SCD5: variants seen among roughly 807,000 people sequenced by gnomAD.
The protein encoded by SCD5 is stearoyl-CoA desaturase 5.
In SCD5, 20 loss-of-function variants were observed where a neutral mutation model predicts 30.4. That is an observed-to-expected ratio of 0.66 (90% confidence interval 0.46 to 0.96). The LOEUF is 0.96. SCD5 is among the 40% of genes least tolerant of loss of function. SCD5 has a pLI of 0.00. For missense variants in SCD5, 381 were observed against 443.3 expected (o/e 0.86, Z 1.26); for synonymous variants, 173 against 176.4 (o/e 0.98, Z 0.16).
At chr4:82,693,861 T>C (rs772430784) in intron 2 of SCD5, among the ~76,000 whole-genome samples, 39 of 152,180 alleles carry the variant, frequency 2.6e-4, no homozygotes, top group Non-Finnish European at 4.3e-4. Context: ...GGACTCCATT[T>C]GGGAAGAGTC....
chr4:82,639,427 G>A (rs923724154), intron 3 of SCD5, among the ~76,000 whole-genome samples: 1 of 152,244 alleles, frequency 6.6e-6, no homozygotes, highest in African/African-American at 2.4e-5. Flanking sequence ...ATCCGATGGG[G>A]CGTTCTGGGC....
chr4:82,785,447 A>C (rs1241064691), intron 1 of SCD5, among the ~76,000 whole-genome samples: 1 of 152,194 alleles, frequency 6.6e-6, no homozygotes, highest in Non-Finnish European at 1.5e-5. Flanking sequence ...CTCCAGACTC[A>C]AAGTCCTTTT....
At chr4:82,739,959 T>C (rs1720838957) in intron 1 of SCD5, among the ~76,000 whole-genome samples, 3 of 152,194 alleles carry the variant, frequency 2.0e-5, no homozygotes, top group African/African-American at 7.2e-5. Flanking sequence ...ATCTGCAGCC[T>C]GAGCCTGCTC....
chr4:82,709,881 G>A (rs1310176755), intron 1 of SCD5, among the ~76,000 whole-genome samples: 3 of 152,234 alleles, frequency 2.0e-5, no homozygotes, highest in Non-Finnish European at 1.5e-5. Flanking sequence ...AAGACTCACT[G>A]ACGGCCTGCC....
At position 82,679,271 on chromosome 4, in the gene SCD5, A is replaced by G. The variant is rs1271718502; in HGVS notation, c.569+1436T>C. Among the ~76,000 whole-genome samples the G allele has an allele frequency of 3.0e-4, 35 of 117,572 alleles. 1 individual carries two copies. The highest frequency in any genetic ancestry group is 1.0e-3 in the African/African-American group (32 of 31,856). 77.1% of individuals were successfully genotyped at this position (117,572 alleles called of 152,430 possible). ...AAGAAAGAAAGAAAGAAGGAAGGAA[A>G]GAAAGAAAGAAGGAAGGAAAGAAAG... On this transcript the variant is annotated intron_variant, in intron 3 of 4. Transcript: ENST00000319540.
chr4:82,752,682 T>C lies in SCD5; in HGVS notation c.232+45624A>G, dbSNP rs72662835. Among the ~76,000 whole-genome samples the C allele has an allele frequency of 2.5e-3, 373 of 152,226 alleles. 2 individuals are homozygous for C. The highest frequency in any genetic ancestry group is 0.023 in the East Asian group (120 of 5,174). ...ACTGGACCTGGAGAAGCCTATGTAT[T>C]TGTTTGCATGGAATCCTCGCCCTGT... On this transcript the variant is annotated intron_variant, in intron 1 of 4. Coordinates refer to ENST00000319540, the MANE Select transcript of SCD5 (RefSeq NM_001037582.3).
chr4:82,641,045 C>T (rs1164178630), intron 3 of SCD5, among the ~76,000 whole-genome samples: 1 of 152,084 alleles, frequency 6.6e-6, no homozygotes, highest in Admixed American at 6.6e-5. Flanking sequence ...CTGTAAAATG[C>T]TGTGCTAATA....
intron 3 of SCD5, among the ~76,000 whole-genome samples, chr4:82,646,617 T>C (rs188777138): frequency 4.3e-4 from 65 of 152,278 alleles, no homozygotes; most frequent in African/African-American, 1.3e-3. Context: ...CCTGAATTAG[T>C]CTTGACATCT....
intron 3 of SCD5, among the ~76,000 whole-genome samples, chr4:82,677,631 C>T (rs7695607): frequency 0.12 from 18,413 of 152,204 alleles, 1,483 homozygotes; most frequent in South Asian, 0.25. Context: ...TGATTCTAAG[C>T]CTTATTTTGG....
chr4:82,783,579 C>T (rs1024147350), intron 1 of SCD5, among the ~76,000 whole-genome samples: 11 of 151,952 alleles, frequency 7.2e-5, no homozygotes, highest in Non-Finnish European at 1.0e-4. Context: ...CCGAGGTGGG[C>T]GGATCACCTG....
chr4:82,773,861 G>A (rs999366430), intron 1 of SCD5, among the ~76,000 whole-genome samples: 15 of 152,136 alleles, frequency 9.9e-5, no homozygotes, highest in South Asian at 8.3e-4. Context: ...AGGCTGAGGC[G>A]GGTGGATCAC....
At chr4:82,658,153 A>G (rs1727904421) in intron 3 of SCD5, among the ~76,000 whole-genome samples, 2 of 152,174 alleles carry the variant, frequency 1.3e-5, no homozygotes, top group African/African-American at 2.4e-5. Context: ...GTGGTGAGAG[A>G]GGGCATCCTT....
intron 1 of SCD5, among the ~76,000 whole-genome samples, chr4:82,771,713 C>T (rs1046927921): frequency 3.3e-5 from 5 of 152,218 alleles, no homozygotes; most frequent in South Asian, 2.1e-4. Context: ...TGGCAGGCCA[C>T]TACCGACCAG....
intron 1 of SCD5, among the ~76,000 whole-genome samples, chr4:82,734,266 C>G (rs1021158646): frequency 4.6e-5 from 7 of 152,178 alleles, no homozygotes; most frequent in African/African-American, 1.7e-4. Context: ...GTATCCCATA[C>G]TGGCCTCCCT....
At chr4:82,659,146 T>C (rs1727931421) in intron 3 of SCD5, among the ~76,000 whole-genome samples, 1 of 152,228 alleles carries the variant, frequency 6.6e-6, no homozygotes, top group African/African-American at 2.4e-5. Flanking sequence ...TATTCTCTGA[T>C]GGTAGTTTGT....
chr4:82,632,519 T>C (rs954901217), intron 4 of SCD5, among the ~76,000 whole-genome samples: 11 of 152,188 alleles, frequency 7.2e-5, no homozygotes, highest in Non-Finnish European at 1.3e-4. Context: ...GTCTTTATAG[T>C]AGCATGATTT....
intron 1 of SCD5, among the ~76,000 whole-genome samples, chr4:82,790,804 G>T (rs767348273): frequency 1.6e-4 from 23 of 147,338 alleles, no homozygotes; most frequent in Non-Finnish European, 3.2e-4. Context: ...ATAAAATAAA[G>T]AAAAAAAAAA....
intron 3 of SCD5, among the ~76,000 whole-genome samples, chr4:82,676,012 G>A (rs1728429026): frequency 6.6e-6 from 1 of 152,226 alleles, no homozygotes; most frequent in African/African-American, 2.4e-5. Context: ...CCTGGGTACA[G>A]ATATGGTCAA....
chr4:82,708,931 GCTTT>G (rs1231714675), intron 1 of SCD5, among the ~76,000 whole-genome samples: 2 of 68,060 alleles, frequency 2.9e-5, no homozygotes, highest in Admixed American at 1.5e-4. Flanking sequence ...TTGACTGAGA[GCTTT>G]CTATGTGCCA....
Sources: allele counts gnomAD v4.1 joint callset (sites outside exome capture counted in the v4.1 genomes callset), GRCh38; gene constraint gnomAD v4.1.1; transcripts MANE v1.5; gene names NCBI Gene and HGNC (gene_info 2026-07-23, HGNC 2026-07-21).